CNTN5: variants seen among roughly 807,000 people sequenced by gnomAD.
The protein encoded by CNTN5 is contactin-5.
A neutral mutation model predicts 129.1 loss-of-function variants in CNTN5; 77 were observed. The ratio of observed to expected loss-of-function variants is 0.60; its 90% confidence interval spans 0.50 to 0.72. The LOEUF is 0.72. Among genes scored for constraint, CNTN5 ranks in the 30% least tolerant of loss-of-function variants. The pLI is 0.00. For missense variants in CNTN5, 1,478 were observed against 1,328.8 expected (o/e 1.11, Z -1.75); for synonymous variants, 509 against 465.6 (o/e 1.09, Z -1.20).
At chr11:99,974,915 C>T (rs557527263) in intron 8 of CNTN5, among the ~76,000 whole-genome samples, 2 of 152,278 alleles carry the variant, frequency 1.3e-5, no homozygotes, top group East Asian at 3.9e-4. Flanking sequence ...ATATTTACAT[C>T]ATCCACTTGT....
At chr11:99,694,482 A>T (rs1262199528) in intron 3 of CNTN5, among the ~76,000 whole-genome samples, 1 of 152,154 alleles carries the variant, frequency 6.6e-6, no homozygotes, top group Non-Finnish European at 1.5e-5. Flanking sequence ...AGTGAGTAAC[A>T]GTTTTAGACT....
intron 7 of CNTN5, among the ~76,000 whole-genome samples, chr11:99,954,550 A>G (rs1950752394): frequency 1.3e-5 from 2 of 152,222 alleles, no homozygotes; most frequent in Non-Finnish European, 2.9e-5. Context: ...CACCACAGCT[A>G]ACCATACTAT....
chr11:99,219,374 G>C (rs894718151), intron 1 of CNTN5, among the ~76,000 whole-genome samples: 2 of 151,828 alleles, frequency 1.3e-5, no homozygotes, highest in African/African-American at 4.8e-5. Context: ...TTTCTTAATT[G>C]GGATAGACTT....
At chr11:99,611,302 A>G (rs1950586737) in intron 3 of CNTN5, among the ~76,000 whole-genome samples, 2 of 152,174 alleles carry the variant, frequency 1.3e-5, no homozygotes, top group Admixed American at 1.3e-4. Flanking sequence ...AGTAACAGAT[A>G]CATTCTAAAA....
chr11:99,758,993 G>A (rs948800586), intron 3 of CNTN5, among the ~76,000 whole-genome samples: 4 of 152,048 alleles, frequency 2.6e-5, no homozygotes, highest in African/African-American at 7.2e-5. Context: ...AGAATATGAT[G>A]AAGGCTGGAG....
intron 3 of CNTN5, among the ~76,000 whole-genome samples, chr11:99,638,727 A>G (rs656278): frequency 0.96 from 146,840 of 152,226 alleles, 71,052 homozygotes; most frequent in East Asian, 1. Flanking sequence ...TTGACTCCAT[A>G]TCTCATACCC....
intron 6 of CNTN5, among the ~76,000 whole-genome samples, chr11:99,883,729 A>C (rs567021749): frequency 6.6e-6 from 1 of 152,322 alleles, no homozygotes; most frequent in African/African-American, 2.4e-5. Context: ...CTGGAGAGTG[A>C]GAAAAGTCAC....
intron 1 of CNTN5, among the ~76,000 whole-genome samples, chr11:99,190,105 T>C (rs1858560212): frequency 6.6e-6 from 1 of 151,674 alleles, no homozygotes; most frequent in African/African-American, 2.4e-5. Context: ...GATCTAATTG[T>C]ATTGTTATGA....
chr11:99,261,868 A>T (rs1862644668), intron 1 of CNTN5, among the ~76,000 whole-genome samples: 1 of 151,952 alleles, frequency 6.6e-6, no homozygotes, highest in Non-Finnish European at 1.5e-5. Context: ...AATCCCTGTA[A>T]ATTCTCATAC....
rs187982755 is a variant in CNTN5, at chr11:99,553,703, A to G, written c.-70-2442A>G. 4.1e-3 allele frequency among the ~76,000 whole-genome samples: 631 copies of G among 152,074 alleles called. 1 individual carries two copies. The highest frequency in any genetic ancestry group is 6.4e-3 in the Non-Finnish European group (435 of 67,940). ...TAATTATACTATATTTTATATACAT[A>G]TCAAAGCATTATGTTGTACTACATA... On this transcript the variant is annotated intron_variant, in intron 2 of 24. Transcript: ENST00000524871.
At chr11:99,660,134 A>G (rs940384218) in intron 3 of CNTN5, among the ~76,000 whole-genome samples, 5 of 152,128 alleles carry the variant, frequency 3.3e-5, no homozygotes, top group Non-Finnish European at 7.4e-5. Context: ...CTGAATCTAT[A>G]AAGTTCTGGA....
At chr11:99,482,994 T>G (rs1282113686) in intron 2 of CNTN5, among the ~76,000 whole-genome samples, 1 of 150,968 alleles carries the variant, frequency 6.6e-6, no homozygotes, top group Non-Finnish European at 1.5e-5. Flanking sequence ...GCCAATATGG[T>G]TAAAGCCTGT....
chr11:99,504,339 G>A (rs541516689), intron 2 of CNTN5, among the ~76,000 whole-genome samples: 2 of 151,884 alleles, frequency 1.3e-5, no homozygotes, highest in Non-Finnish European at 2.9e-5. Flanking sequence ...GCAGGAGATC[G>A]AGACCATCAT....
chr11:99,832,156 T>C (rs1237699290), intron 4 of CNTN5, among the ~76,000 whole-genome samples: 1 of 152,206 alleles, frequency 6.6e-6, no homozygotes, highest in Admixed American at 6.6e-5. Flanking sequence ...TTGAATTTGC[T>C]TTTTGTCTAA....
intron 1 of CNTN5, among the ~76,000 whole-genome samples, chr11:99,189,184 T>A (rs1234046111): frequency 6.6e-6 from 1 of 151,600 alleles, no homozygotes; most frequent in Non-Finnish European, 1.5e-5. Context: ...GGCTTTGGAG[T>A]GGAGTGAATA....
chr11:99,632,353 G>A (rs1165204852), intron 3 of CNTN5, among the ~76,000 whole-genome samples: 1 of 152,046 alleles, frequency 6.6e-6, no homozygotes, highest in Non-Finnish European at 1.5e-5. Flanking sequence ...TGCAACTAGA[G>A]TTCTGTGATT....
chr11:99,672,568 A>G (rs988847751), intron 3 of CNTN5, among the ~76,000 whole-genome samples: 1 of 151,282 alleles, frequency 6.6e-6, no homozygotes, highest in African/African-American at 2.4e-5. Flanking sequence ...CACGAGCAAG[A>G]GGATGTGTCC....
chr11:99,803,630 G>A (rs1027945693), intron 3 of CNTN5, among the ~76,000 whole-genome samples: 1 of 152,156 alleles, frequency 6.6e-6, no homozygotes, highest in African/African-American at 2.4e-5. Flanking sequence ...ACACTATGTT[G>A]CTCCTAGATC....
chr11:99,829,709 A>T (rs1166732374), intron 4 of CNTN5, among the ~76,000 whole-genome samples: 1 of 152,222 alleles, frequency 6.6e-6, no homozygotes, highest in East Asian at 1.9e-4. Flanking sequence ...GGAACAACTG[A>T]GTTGTTAATA....
Sources: allele counts gnomAD v4.1 joint callset (sites outside exome capture counted in the v4.1 genomes callset), GRCh38; gene constraint gnomAD v4.1.1; transcripts MANE v1.5; gene names NCBI Gene and HGNC (gene_info 2026-07-23, HGNC 2026-07-21).